Variants in DPPA4 observed in about 807,000 individuals in gnomAD.
DPPA4 encodes developmental pluripotency-associated protein 4.
Under a neutral mutation model 33.7 loss-of-function variants are expected in DPPA4, and 22 were observed. The observed-to-expected ratio is 0.65, with a 90% confidence interval of 0.47 to 0.93. DPPA4 has a LOEUF of 0.93. Ranked by LOEUF, DPPA4 falls within the 40% of genes least tolerant of loss-of-function variation. DPPA4 has a pLI of 0.00. For synonymous variants in DPPA4, 156 were observed against 132.3 expected (o/e 1.18, Z -1.23); for missense variants, 340 against 358.6 (o/e 0.95, Z 0.42).
At position 109,327,230 on chromosome 3, in the gene DPPA4, T is replaced by C. The variant is rs895025718; in HGVS notation, c.*758A>G. 1.3e-5 allele frequency: 2 copies of C among 152,172 alleles called. No homozygotes were observed. Among genetic ancestry groups the C allele is most frequent in the African/African-American group, 4.8e-5 (2 of 41,444 alleles). 9.4% of individuals were successfully genotyped at this position (152,172 alleles called of 1,614,324 possible). A position where few individuals can be genotyped will look rare whatever the true frequency, so the allele number is the denominator to read the frequency against. On this transcript the variant is annotated 3_prime_UTR_variant, in exon 7 of 7. Coordinates refer to ENST00000335658, the MANE Select transcript of DPPA4 (RefSeq NM_018189.4). ...GGGAATTAACAGCCTTTCTTTGCCT[T>C]AAAATACTTTACGTTTTATGAAATT...
chr3:109,330,691 G>C lies in DPPA4; in HGVS notation c.512C>G (p.Pro171Arg), dbSNP rs1708050627. 3 of 1,614,178 alleles carry C rather than the reference G, an allele frequency of 1.9e-6. No homozygotes were observed. Among genetic ancestry groups the C allele is most frequent in the Non-Finnish European group, 1.7e-6 (2 of 1,180,020 alleles). Residue 171 changes from proline (P) to arginine (R), a missense_variant, in exon 5 of 7, where the codon CCT (proline) becomes CGT (arginine). Pro to Arg is a moderately radical substitution (Grantham distance 103, BLOSUM62 -2). Coordinates refer to ENST00000335658, the MANE Select transcript of DPPA4 (RefSeq NM_018189.4). ...SETHPPEVAL[P>R]PVGEPPALEN... ...CAGGGCAGGCGGCTCCCCCACAGGA[G>C]GAAGAGCCACTTCAGGAGGATGTGT...
chr3:109,339,010 A>G (rs1158848286), upstream of DPPA4, among the ~76,000 whole-genome samples: 1 of 151,648 alleles, frequency 6.6e-6, no homozygotes, highest in African/African-American at 2.4e-5. Context: ...CTGGCCAACA[A>G]TGGCAGAACC....
At chr3:109,328,778 G>T in intron 6 of DPPA4, 112 bp downstream of exon 6, 3 of 990,494 alleles carry the variant, frequency 3.0e-6, no homozygotes, top group East Asian at 2.6e-5. Flanking sequence ...ACTCTTTACT[G>T]ACAATTTGAG....
chr3:109,329,334 G>C, intron 5 of DPPA4: 3 of 435,674 alleles, frequency 6.9e-6, no homozygotes, highest in Middle Eastern at 6.8e-4. Flanking sequence ...AGGAGATCGA[G>C]ACCATCCTGG....
Position 109,331,931 on chromosome 3 carries a change from C to G in DPPA4, c.279G>C (p.Leu93=), listed in dbSNP as rs766478067. The G allele has an allele frequency of 1.2e-6, 2 of 1,614,098 alleles. No individual in the cohort carries two copies. The highest frequency in any genetic ancestry group is 1.7e-6 in the Non-Finnish European group (2 of 1,180,024). ...PLPSKLPPVN[L]IHRDILRAWC... ...AGGCCCGCAGAATGTCCCGGTGAAT[C>G]AGATTAACAGGTGGCAGTTTAGAAG... Residue 93 remains leucine, a synonymous_variant, in exon 3 of 7, where the codon CTG becomes CTC. Coordinates refer to ENST00000335658, the MANE Select transcript of DPPA4 (RefSeq NM_018189.4).
rs143598626 is a variant in DPPA4, at chr3:109,330,588, G to C, written c.615C>G (p.Ser205=). The part of the protein sequence containing the change: ...TTSAPEALLA[S]WARISARART... ...TCGCCCTGGCTGAAATTCTCGCCCA[G>C]GAGGCCAGCAAAGCCTCTGGGGCAG... The change falls in exon 5 of 7, where the codon TCC becomes TCG. Residue 205 remains serine (S), a synonymous_variant. Coordinates refer to ENST00000335658, the MANE Select transcript of DPPA4 (RefSeq NM_018189.4). 1 of 1,614,126 alleles carries C rather than the reference G, an allele frequency of 6.2e-7. No individual in the cohort carries two copies. Among genetic ancestry groups the C allele is most frequent in the Non-Finnish European group, 8.5e-7 (1 of 1,180,024 alleles).
At chr3:109,338,225 C>T (rs781298610), upstream of DPPA4, among the ~76,000 whole-genome samples, 21 of 152,286 alleles carry the variant, frequency 1.4e-4, no homozygotes, top group African/African-American at 2.9e-4. Flanking sequence ...CACCACTCCC[C>T]GCCCGAGTAT....
chr3:109,330,412 G>A (rs754071396), intron 5 of DPPA4, 112 bp downstream of exon 5: 7 of 1,212,576 alleles, frequency 5.8e-6, no homozygotes, highest in African/African-American at 1.5e-5. Flanking sequence ...CAGGGTCCAG[G>A]AATCACCGGC....
chr3:109,331,428 G>A (rs1354064112), intron 4 of DPPA4, among the ~76,000 whole-genome samples: 4 of 150,306 alleles, frequency 2.7e-5, no homozygotes, highest in South Asian at 2.1e-4. Context: ...CCTGTAATCC[G>A]AGCTACTCTG....
chr3:109,331,207 G>A (rs954885291), intron 4 of DPPA4, among the ~76,000 whole-genome samples: 1 of 141,000 alleles, frequency 7.1e-6, no homozygotes, highest in Non-Finnish European at 1.5e-5. Flanking sequence ...GAACCAGGGA[G>A]GCAGAGGTTG....
chr3:109,335,711 T>G (rs765776997), intron 1 of DPPA4, among the ~76,000 whole-genome samples: 3 of 151,874 alleles, frequency 2.0e-5, no homozygotes, highest in Admixed American at 1.3e-4. Flanking sequence ...ATTACAGGCG[T>G]GTGCCACTGT....
At chr3:109,329,261 C>T (rs1461132079) in intron 5 of DPPA4, 173 bp from the exon 6 acceptor site, 7 of 641,984 alleles carry the variant, frequency 1.1e-5, no homozygotes, top group South Asian at 2.0e-5. Flanking sequence ...ACAAGCTGGG[C>T]GCAGTGGCTC....
chr3:109,330,797 C>T lies in DPPA4; in HGVS notation c.406G>A (p.Ala136Thr). 6.2e-7 allele frequency: 1 copy of T among 1,611,068 alleles called. No individual in the cohort carries two copies. The highest frequency in any genetic ancestry group is 8.5e-7 in the Non-Finnish European group (1 of 1,178,992). ...GATTTCCGGATTTTGGCCTCTTTTG[C>T]TGTGCTAGGAAAATCCTACAAAAAG... ...YPNQKDFPSTAKEAKIRKSLQ... is the reference protein window; with the variant it reads ...YPNQKDFPSTTKEAKIRKSLQ... Residue 136 changes from alanine to threonine, a missense_variant, in exon 5 of 7, where the codon GCA (alanine) becomes ACA (threonine). This residue lies in a region of DPPA4 where 212 missense variants were observed against 206.5 expected (regional missense o/e 1.03). Coordinates refer to ENST00000335658, the MANE Select transcript of DPPA4 (RefSeq NM_018189.4).
intron 4 of DPPA4, among the ~76,000 whole-genome samples, chr3:109,331,324 GA>G (rs1353336055): frequency 4.7e-5 from 6 of 128,456 alleles, no homozygotes; most frequent in Non-Finnish European, 1.0e-4. Context: ...GAAAAAAATA[GA>G]AAAAAAGAAA....
chr3:109,331,543 C>CAAAAAA (rs62827961), intron 4 of DPPA4, among the ~76,000 whole-genome samples, 191 bp downstream of exon 4: 9 of 71,458 alleles, frequency 1.3e-4, no homozygotes, highest in African/African-American at 2.8e-4. Context: ...GACTCTGTCT[C>CAAAAAA]AAAAAAAAAA....
intron 1 of DPPA4, among the ~76,000 whole-genome samples, chr3:109,337,186 C>T (rs1407902898): frequency 4.0e-5 from 6 of 151,292 alleles, no homozygotes; most frequent in Non-Finnish European, 7.4e-5. Flanking sequence ...AGGCGTGAGC[C>T]ACCGCGCCCG....
At position 109,328,453 on chromosome 3, in the gene DPPA4, G is replaced by T. The variant is rs776588534; in HGVS notation, c.879-429C>A. On this transcript the variant is annotated intron_variant, in intron 6 of 6. Coordinates refer to ENST00000335658, the MANE Select transcript of DPPA4 (RefSeq NM_018189.4). ...GGAGATGGTCTTGCTACGTTTCCCAGGCTGAGAAATTACCGATCTCTCCTT... is the reference window on the plus strand; with the variant it reads ...GGAGATGGTCTTGCTACGTTTCCCATGCTGAGAAATTACCGATCTCTCCTT... Among the ~76,000 whole-genome samples the T allele has an allele frequency of 1.3e-4, 20 of 152,118 alleles. 1 individual carries two copies. The highest frequency in any genetic ancestry group is 7.3e-5 in the Non-Finnish European group (5 of 68,030).
chr3:109,338,722 AAG>A (rs1325751277), upstream of DPPA4, among the ~76,000 whole-genome samples: 1 of 152,166 alleles, frequency 6.6e-6, no homozygotes, highest in African/African-American at 2.4e-5. Context: ...CAAGGCGGCA[AAG>A]AGGAAACCAG....
upstream of DPPA4, among the ~76,000 whole-genome samples, chr3:109,339,286 C>G (rs1396708227): frequency 4.6e-5 from 7 of 152,154 alleles, no homozygotes; most frequent in Admixed American, 4.6e-4. Flanking sequence ...TAGCAGCTAG[C>G]CAGACAGGAT....
Sources: allele counts gnomAD v4.1 joint callset (sites outside exome capture counted in the v4.1 genomes callset), GRCh38; gene constraint gnomAD v4.1.1; regional missense constraint gnomAD v4.1.1; transcripts MANE v1.5; gene names NCBI Gene and HGNC (gene_info 2026-07-23, HGNC 2026-07-21).